Variants in ALCAM observed in about 807,000 individuals in gnomAD.
The protein encoded by ALCAM is CD166 antigen.
ALCAM carries 30 observed loss-of-function variants against 70.9 expected under a neutral mutation model. The ratio of observed to expected loss-of-function variants is 0.42; its 90% confidence interval spans 0.32 to 0.57. ALCAM has a LOEUF of 0.57. Ranked by LOEUF, ALCAM falls within the 20% of genes least tolerant of loss-of-function variation. The pLI, the probability that ALCAM is intolerant of heterozygous loss-of-function variation, is 0.11. For missense variants in ALCAM, 591 were observed against 695.1 expected (o/e 0.85, Z 1.68); for synonymous variants, 249 against 242.5 (o/e 1.03, Z -0.25).
At chr3:105,545,529 A>G (rs972513703) in intron 9 of ALCAM, among the ~76,000 whole-genome samples, 194 bp downstream of exon 9, 3 of 151,412 alleles carry the variant, frequency 2.0e-5, no homozygotes, top group Non-Finnish European at 4.4e-5. Flanking sequence ...TGACATCCAT[A>G]ATTGGTATTC....
intron 1 of ALCAM, among the ~76,000 whole-genome samples, chr3:105,368,265 A>AGAG (rs1553716633): frequency 0.014 from 374 of 25,898 alleles, 4 homozygotes; most frequent in African/African-American, 0.034. Flanking sequence ...GAGAGAGAGA[A>AGAG]AAGGCAAAAT....
chr3:105,563,269 C>A (rs1940666331), intron 14 of ALCAM, among the ~76,000 whole-genome samples: 1 of 148,990 alleles, frequency 6.7e-6, no homozygotes, highest in African/African-American at 2.5e-5. Context: ...ATAGTGATAA[C>A]CCTTTTTTGT....
chr3:105,542,755 A>G (rs1471345104), intron 8 of ALCAM, among the ~76,000 whole-genome samples: 1 of 151,674 alleles, frequency 6.6e-6, no homozygotes, highest in Non-Finnish European at 1.5e-5. Context: ...AGGGAGGTAC[A>G]TTGGGGAATA....
intron 1 of ALCAM, among the ~76,000 whole-genome samples, chr3:105,375,727 T>A (rs1935358155): frequency 6.6e-6 from 1 of 152,182 alleles, no homozygotes; most frequent in Non-Finnish European, 1.5e-5. Flanking sequence ...TTCTATGAGA[T>A]TTCTCAGTAA....
chr3:105,430,305 T>C (rs1397566971), intron 1 of ALCAM, among the ~76,000 whole-genome samples: 1 of 152,072 alleles, frequency 6.6e-6, no homozygotes, highest in East Asian at 1.9e-4. Context: ...TTACCTAATG[T>C]CCTTTTTCTG....
intron 1 of ALCAM, among the ~76,000 whole-genome samples, chr3:105,504,161 T>G (rs6437599): frequency 0.96 from 146,227 of 152,244 alleles, 70,478 homozygotes; most frequent in East Asian, 1. Flanking sequence ...GCGACAGGGG[T>G]AGTGGCTCGC....
At chr3:105,529,947 C>G (rs185169844) in intron 3 of ALCAM, among the ~76,000 whole-genome samples, 14 of 152,198 alleles carry the variant, frequency 9.2e-5, no homozygotes, top group Admixed American at 9.2e-4. Context: ...AAGCGACCCA[C>G]CAAATCTGTC....
intron 1 of ALCAM, among the ~76,000 whole-genome samples, chr3:105,417,269 C>A (rs1410897521): frequency 6.6e-6 from 1 of 151,784 alleles, no homozygotes; most frequent in Non-Finnish European, 1.5e-5. Flanking sequence ...CACCCCACTG[C>A]TGACTTATTA....
chr3:105,530,853 A>G (rs1286037932), intron 3 of ALCAM, among the ~76,000 whole-genome samples: 2 of 152,178 alleles, frequency 1.3e-5, no homozygotes, highest in African/African-American at 4.8e-5. Context: ...TTGCTACCGC[A>G]GAGACATTTT....
At chr3:105,428,927 T>G (rs1936860865) in intron 1 of ALCAM, among the ~76,000 whole-genome samples, 1 of 151,954 alleles carries the variant, frequency 6.6e-6, no homozygotes, top group Non-Finnish European at 1.5e-5. Context: ...TAACCTTTGA[T>G]AAAACCATCA....
chr3:105,429,238 G>A (rs1444470305), intron 1 of ALCAM, among the ~76,000 whole-genome samples: 1 of 151,912 alleles, frequency 6.6e-6, no homozygotes, highest in African/African-American at 2.4e-5. Context: ...TCTGCCCAAA[G>A]CAAATACACT....
intron 1 of ALCAM, among the ~76,000 whole-genome samples, chr3:105,497,897 G>A (rs1938800463): frequency 6.6e-6 from 1 of 151,964 alleles, no homozygotes; most frequent in African/African-American, 2.4e-5. Flanking sequence ...CGGGCGTGGT[G>A]GCAGGCACCT....
At position 105,482,829 on chromosome 3, in the gene ALCAM, C is replaced by T. The variant is rs568784356; in HGVS notation, c.74-37238C>T. Among the ~76,000 whole-genome samples, 20 of 152,086 alleles carry T rather than the reference C, an allele frequency of 1.3e-4. No homozygotes were observed. The South Asian group carries it at 4.2e-3, about 32-fold the overall frequency. ...TCACAAATTTCAGAATTTGTGGAGTCGTCTTTCTCTGTGAGTCACTAATTT... is the reference window on the plus strand; with the variant it reads ...TCACAAATTTCAGAATTTGTGGAGTTGTCTTTCTCTGTGAGTCACTAATTT... On this transcript the variant is annotated intron_variant, in intron 1 of 15. Transcript: ENST00000306107.
chr3:105,379,053 T>A (rs750386900), intron 1 of ALCAM, among the ~76,000 whole-genome samples: 5 of 152,014 alleles, frequency 3.3e-5, no homozygotes, highest in Non-Finnish European at 7.4e-5. Flanking sequence ...GCTTGGGCTA[T>A]GGATCAGAGC....
intron 1 of ALCAM, among the ~76,000 whole-genome samples, chr3:105,425,095 G>T (rs1185624006): frequency 6.6e-6 from 1 of 151,698 alleles, no homozygotes; most frequent in African/African-American, 2.4e-5. Context: ...GGAGAATAGG[G>T]CTCAAAGATG....
At chr3:105,507,417 A>G (rs1251478390) in intron 1 of ALCAM, among the ~76,000 whole-genome samples, 2 of 152,146 alleles carry the variant, frequency 1.3e-5, no homozygotes, top group East Asian at 1.9e-4. Context: ...TTCTCCGTCT[A>G]TTCATTCTTT....
chr3:105,403,392 AACGGATC>A (rs1371346807), intron 1 of ALCAM, among the ~76,000 whole-genome samples: 1 of 152,168 alleles, frequency 6.6e-6, no homozygotes, highest in Non-Finnish European at 1.5e-5. Context: ...GAGACCTGAA[AACGGATC>A]ACATCACAAG....
intron 1 of ALCAM, among the ~76,000 whole-genome samples, chr3:105,412,693 T>G (rs1009327347): frequency 6.6e-6 from 1 of 152,102 alleles, no homozygotes; most frequent in African/African-American, 2.4e-5. Context: ...GAAGTCAACA[T>G]GAGGAGAAAG....
At position 105,384,740 on chromosome 3, in the gene ALCAM, A is replaced by T. The variant is rs532360973; in HGVS notation, c.73+17259A>T. On this transcript the variant is annotated intron_variant, in intron 1 of 15. Coordinates refer to ENST00000306107, the MANE Select transcript of ALCAM (RefSeq NM_001627.4). Reference sequence around the variant, plus strand: ...ATAGTACTTTACGAAAGAATGGCTAATATATTTGTATAACCAATTTTAAGT... The same window carrying T: ...ATAGTACTTTACGAAAGAATGGCTATTATATTTGTATAACCAATTTTAAGT... Among the ~76,000 whole-genome samples the T allele has an allele frequency of 2.0e-5, 3 of 151,682 alleles. No individual in the cohort carries two copies. The South Asian group carries it at 6.2e-4, about 31-fold the overall frequency.
Sources: allele counts gnomAD v4.1 joint callset (sites outside exome capture counted in the v4.1 genomes callset), GRCh38; gene constraint gnomAD v4.1.1; transcripts MANE v1.5; gene names NCBI Gene and HGNC (gene_info 2026-07-23, HGNC 2026-07-21).